MAP3K1: variants seen among roughly 807,000 people sequenced by gnomAD.
MAP3K1 encodes the protein MAP/ERK kinase kinase 1.
MAP3K1 carries 36 observed loss-of-function variants against 144.2 expected under a neutral mutation model. The observed-to-expected ratio is 0.25, with a 90% CI of 0.19 to 0.33. MAP3K1 has a LOEUF of 0.33. Ranked by LOEUF, MAP3K1 falls within the 10% of genes least tolerant of loss-of-function variation. The pLI is 1.00. For missense variants in MAP3K1, 1,650 were observed against 1,881.9 expected, an observed-to-expected ratio of 0.88 and a Z score of 2.28; for synonymous variants, 718 against 688.7, an observed-to-expected ratio of 1.04 and a Z score of -0.67.
chr5:56,836,497 C>T (rs1262320742), intron 1 of MAP3K1, among the ~76,000 whole-genome samples: 1 of 152,164 alleles, frequency 6.6e-6, no homozygotes, highest in Non-Finnish European at 1.5e-5. Flanking sequence ...TACTTATTCT[C>T]TTGCATACTG....
At chr5:56,864,963 TTAGTAG>T in intron 4 of MAP3K1, 29 bp downstream of exon 4, 9 of 1,597,202 alleles carry the variant, frequency 5.6e-6, no homozygotes, top group Non-Finnish European at 7.7e-6. Context: ...TTATACTTTA[TTAGTAG>T]TAGTATATGG....
intron 2 of MAP3K1, among the ~76,000 whole-genome samples, chr5:56,857,299 G>A (rs1310410992): frequency 6.6e-6 from 1 of 152,098 alleles, no homozygotes; most frequent in African/African-American, 2.4e-5. Context: ...AATTAAAAAT[G>A]TGTGGGGTTT....
chr5:56,871,681 T>C (rs1459259647), intron 6 of MAP3K1, among the ~76,000 whole-genome samples: 1 of 152,216 alleles, frequency 6.6e-6, no homozygotes, highest in Non-Finnish European at 1.5e-5. Flanking sequence ...TGAATTGTTT[T>C]CATAGCAAAG....
chr5:56,820,465 T>A, intron 1 of MAP3K1: 1 of 985,194 alleles, frequency 1.0e-6, no homozygotes, highest in Non-Finnish European at 1.2e-6. Flanking sequence ...TAAGTTTGCC[T>A]GTTAATGTAT....
At chr5:56,816,649 C>G (rs535832954) in intron 1 of MAP3K1, among the ~76,000 whole-genome samples, 1 of 152,276 alleles carries the variant, frequency 6.6e-6, no homozygotes, top group East Asian at 1.9e-4. Flanking sequence ...GGCCCGGACG[C>G]AGGCGGCGCG....
At chr5:56,838,897 T>C (rs1349038580) in intron 1 of MAP3K1, among the ~76,000 whole-genome samples, 2 of 152,112 alleles carry the variant, frequency 1.3e-5, no homozygotes, top group African/African-American at 4.8e-5. Context: ...CAGAAGGTTT[T>C]TTGTTTTGTT....
At chr5:56,834,844 A>ATTT (rs149111844) in intron 1 of MAP3K1, among the ~76,000 whole-genome samples, 1,872 of 152,330 alleles carry the variant, frequency 0.012, 46 homozygotes, top group African/African-American at 0.042. Context: ...TGTTGTGTAT[A>ATTT]TTTTACTTAT....
In MAP3K1 at chr5:56,875,366, TC is replaced by T. The variant is rs1367498242; in HGVS notation, c.1965+57del. The T allele has an allele frequency of 3.2e-5, 50 of 1,577,316 alleles. 1 individual carries two copies. The East Asian group carries it at 1.1e-3, about 35-fold the overall frequency. ...TATGGGTTTGGGGTTTTTTGATGGT[TC>T]GTAGATAGTGTTTTTAAGATACAAT... On this transcript the variant is annotated intron_variant, in intron 10 of 19. Transcript: ENST00000399503.
chr5:56,865,758 C>T, intron 5 of MAP3K1, 71 bp from the exon 6 acceptor site: 1 of 1,456,342 alleles, frequency 6.9e-7, no homozygotes, highest in Non-Finnish European at 9.6e-7. Context: ...ATAAATAATT[C>T]AGCCTCTAGA....
In MAP3K1 at chr5:56,872,843, T is replaced by G. The variant is rs375706253; in HGVS notation, c.1524T>G (p.Pro508=). ...ATTTTAGCCACGAGTTGTCAAGTCC[T>G]GTGGATTCCCCTTCTTCCCTCAGAG... is the stretch of plus-strand genomic sequence containing the variant. ...HDFYSHELSS[P]VDSPSSLRAA... is the part of the protein sequence containing the mutation. Residue 508 remains proline (P), a synonymous_variant, in exon 9 of 20, where the codon CCT becomes CCG. Transcript: ENST00000399503. 6.6e-5 allele frequency: 106 copies of G among 1,614,100 alleles called. No homozygotes were observed. Among genetic ancestry groups the G allele is most frequent in the Non-Finnish European group, 8.2e-5 (97 of 1,180,034 alleles).
In MAP3K1 at chr5:56,884,709, G is replaced by C; in HGVS notation, c.3865G>C (p.Glu1289Gln). ...NTSSEQEEVV[E>Q]ALREEIRMMS... The stretch of plus-strand genomic sequence containing the variant: ...ATCTTCTGAGCAAGAAGAAGTAGTA[G>C]AAGCACTAAGAGAAGAGATAAGAAT... Residue 1289 changes from glutamate to glutamine, a missense_variant, in exon 16 of 20, where the codon GAA becomes CAA. Around this residue, in one of 6 missense-constraint regions of MAP3K1, gnomAD observed 165 missense variants for 322.9 expected, o/e 0.51. Coordinates refer to ENST00000399503, the MANE Select transcript of MAP3K1 (RefSeq NM_005921.2). 6.2e-7 allele frequency: 1 copy of C among 1,613,838 alleles called. No individual in the cohort carries two copies. Among genetic ancestry groups the C allele is most frequent in the South Asian group, 1.1e-5 (1 of 91,082 alleles).
Position 56,894,146 on chromosome 5 carries a change from A to G in MAP3K1, c.*466A>G. 3.3e-6 allele frequency: 1 copy of G among 305,322 alleles called. No individual in the cohort carries two copies. The highest frequency in any genetic ancestry group is 6.2e-6 in the Non-Finnish European group (1 of 161,224). 18.9% of individuals were successfully genotyped at this position (305,322 alleles called of 1,614,324 possible). A position where few individuals can be genotyped will look rare whatever the true frequency, so the allele number is the denominator to read the frequency against. On this transcript the variant is annotated 3_prime_UTR_variant, in exon 20 of 20. Transcript: ENST00000399503. ...TCAGTATCTGCCTCTTTTAGGTCAGAGTATGCTATGAGTAGCAATACATAC... is the reference window on the plus strand; with the variant it reads ...TCAGTATCTGCCTCTTTTAGGTCAGGGTATGCTATGAGTAGCAATACATAC...
At chr5:56,880,643 A>T in intron 11 of MAP3K1, 68 bp from the exon 12 acceptor site, 1 of 1,014,130 alleles carries the variant, frequency 9.9e-7, no homozygotes, top group Non-Finnish European at 1.6e-6. Context: ...GCATTACATT[A>T]CTCCTCTAAT....
chr5:56,890,162 C>T lies in MAP3K1; in HGVS notation c.4389+1805C>T, dbSNP rs144866331. On this transcript the variant is annotated intron_variant, in intron 19 of 19. Coordinates refer to ENST00000399503, the MANE Select transcript of MAP3K1 (RefSeq NM_005921.2). Reference sequence around the variant, plus strand: ...TTTCAAACTAATTCTCCTTGAGGTCCATTCATGTCTGATTCATTTTCTTCT... The same window carrying T: ...TTTCAAACTAATTCTCCTTGAGGTCTATTCATGTCTGATTCATTTTCTTCT... Among the ~76,000 whole-genome samples the T allele has an allele frequency of 1.1e-3, 173 of 152,198 alleles. 2 individuals carry two copies. In the East Asian group the frequency reaches 0.027, roughly 24 times the overall value.
At chr5:56,892,108 A>G (rs958426862) in intron 19 of MAP3K1, among the ~76,000 whole-genome samples, 16 of 152,182 alleles carry the variant, frequency 1.1e-4, no homozygotes, top group East Asian at 1.9e-4. Flanking sequence ...CATTGAATCT[A>G]TGAATTACCT....
At chr5:56,839,705 T>C (rs1209989920) in intron 1 of MAP3K1, among the ~76,000 whole-genome samples, 2 of 152,138 alleles carry the variant, frequency 1.3e-5, no homozygotes, top group Non-Finnish European at 2.9e-5. Flanking sequence ...GGTTTCCCCC[T>C]GACACCCCAA....
rs188429219 is a variant in MAP3K1 at position 56,849,496 on chromosome 5, A to G, written c.483-7104A>G. Among the ~76,000 whole-genome samples the G allele has an allele frequency of 1.2e-4, 19 of 152,332 alleles. No homozygotes were observed. The East Asian group carries it at 3.5e-3, about 28-fold the overall frequency. On this transcript the variant is annotated intron_variant, in intron 1 of 19. Coordinates refer to ENST00000399503, the MANE Select transcript of MAP3K1 (RefSeq NM_005921.2). ...TCTTTAGTCCTCAGGGTCAAACTTT[A>G]CTGAATAAAATCTGGAATAAAATCT...
chr5:56,870,367 C>T (rs72758096), intron 6 of MAP3K1, among the ~76,000 whole-genome samples: 18,299 of 152,104 alleles, frequency 0.12, 1,379 homozygotes, highest in East Asian at 0.34. Context: ...AATGAAAATA[C>T]GGCTATTGAT....
At position 56,821,273 on chromosome 5, in the gene MAP3K1, C is replaced by G. The variant is rs1034991019; in HGVS notation, c.482+5218C>G. ...GGTTTGATGCAGATGTTAATTTGAT[C>G]GAGATGTGGAGATGTTGTAGCATAC... On this transcript the variant is annotated intron_variant, in intron 1 of 19. Transcript: ENST00000399503. Among the ~76,000 whole-genome samples the G allele has an allele frequency of 2.0e-5, 3 of 152,070 alleles. No individual in the cohort carries two copies. The East Asian group carries it at 5.8e-4, about 29-fold the overall frequency.
Sources: gnomAD v4.1 joint callset for allele counts (sites outside exome capture counted in the v4.1 genomes callset) on GRCh38, gnomAD v4.1.1 for gene constraint, gnomAD v4.1.1 regional missense constraint, MANE v1.5 for transcripts, NCBI Gene and HGNC (gene_info 2026-07-23, HGNC 2026-07-21) for gene names.